The following GRIK4 variants were observed in gnomAD, a reference collection of about 807,000 sequenced individuals.
GRIK4 encodes the protein glutamate receptor ionotropic, kainate 4.
Under a neutral mutation model 104.9 loss-of-function variants are expected in GRIK4, and 40 were observed. The ratio of observed to expected loss-of-function variants is 0.38; its 90% CI spans 0.30 to 0.50. The LOEUF (loss-of-function observed/expected upper bound fraction) is 0.50, where lower values mean the gene tolerates loss of function less well. GRIK4 is among the 20% of genes least tolerant of loss of function. The pLI is 0.93. For synonymous variants in GRIK4, 485 were observed against 524.9 expected, an observed-to-expected ratio of 0.92 and a Z score of 1.04; for missense variants, 1,047 against 1,308.1, an observed-to-expected ratio of 0.80 and a Z score of 3.08.
chr11:120,612,770 C>T (rs1354526868), intron 1 of GRIK4, among the ~76,000 whole-genome samples: 1 of 152,152 alleles, frequency 6.6e-6, no homozygotes, highest in Non-Finnish European at 1.5e-5. Context: ...TGGGAACTGG[C>T]TTTGGGGCTT....
chr11:120,785,778 A>G (rs536260281), intron 3 of GRIK4, among the ~76,000 whole-genome samples: 3 of 152,260 alleles, frequency 2.0e-5, no homozygotes, highest in South Asian at 2.1e-4. Flanking sequence ...GCAGCGCCTG[A>G]GCAGCTTGAT....
intron 3 of GRIK4, among the ~76,000 whole-genome samples, chr11:120,753,153 G>C (rs1321550054): frequency 6.6e-6 from 1 of 152,250 alleles, no homozygotes; most frequent in Non-Finnish European, 1.5e-5. Context: ...AAGCTCTGGA[G>C]TTTTGCCCAA....
intron 3 of GRIK4, among the ~76,000 whole-genome samples, chr11:120,774,029 C>T (rs1951994726): frequency 6.6e-6 from 1 of 152,144 alleles, no homozygotes; most frequent in African/African-American, 2.4e-5. Flanking sequence ...GGAAAGCAAC[C>T]CCTGCAAATG....
In GRIK4 at chr11:120,601,398, T is replaced by A. The variant is rs144645148; in HGVS notation, c.-158-52287T>A. On this transcript the variant is annotated intron_variant, in intron 1 of 20. Coordinates refer to ENST00000527524, the MANE Select transcript of GRIK4 (RefSeq NM_014619.5). ...TCCAGCCTGGGCAACAGAGCGAGAC[T>A]CCATCTCAAACGAAAACAAAAACAA... Among the ~76,000 whole-genome samples, 987 of 152,180 alleles carry A rather than the reference T, an allele frequency of 6.5e-3. 9 individuals are homozygous for A. Among genetic ancestry groups the A allele is most frequent in the African/African-American group, 0.022 (912 of 41,538 alleles).
At chr11:120,759,228 C>A (rs1951703592) in intron 3 of GRIK4, among the ~76,000 whole-genome samples, 1 of 152,144 alleles carries the variant, frequency 6.6e-6, no homozygotes, top group Non-Finnish European at 1.5e-5. Context: ...TGGTCAGGGT[C>A]AGAGAGAAGC....
intron 1 of GRIK4, among the ~76,000 whole-genome samples, chr11:120,553,012 A>G (rs1009968823): frequency 1.4e-4 from 22 of 152,166 alleles, no homozygotes; most frequent in African/African-American, 5.1e-4. Context: ...AAAAAGAAAA[A>G]AAAAAAAAAA....
chr11:120,810,160 TATA>T (rs1952801493), intron 4 of GRIK4, among the ~76,000 whole-genome samples: 1 of 152,228 alleles, frequency 6.6e-6, no homozygotes. Flanking sequence ...AATGCATGCT[TATA>T]TTCAAATACT....
intron 1 of GRIK4, among the ~76,000 whole-genome samples, chr11:120,615,790 CAACTG>C (rs1183816338): frequency 6.6e-6 from 1 of 152,150 alleles, no homozygotes; most frequent in African/African-American, 2.4e-5. Flanking sequence ...TTTAATCTGA[CAACTG>C]AAGAGCTCTG....
At position 120,540,713 on chromosome 11, in the gene GRIK4, G is replaced by A. The variant is rs147386906; in HGVS notation, c.-159+28826G>A. On this transcript the variant is annotated intron_variant, in intron 1 of 20. Coordinates refer to ENST00000527524, the MANE Select transcript of GRIK4 (RefSeq NM_014619.5). ...GATCATTGGTAGAGTTGAGGGGTGG[G>A]AAGCTTCCTGAGTTATATGCAAAGA... 3.8e-3 allele frequency among the ~76,000 whole-genome samples: 582 copies of A among 152,274 alleles called. 1 individual carries two copies. Among genetic ancestry groups the A allele is most frequent in the Non-Finnish European group, 5.2e-3 (356 of 68,012 alleles).
At chr11:120,520,826 G>T (rs749399865) in intron 1 of GRIK4, among the ~76,000 whole-genome samples, 2 of 152,210 alleles carry the variant, frequency 1.3e-5, no homozygotes, top group Admixed American at 1.3e-4. Context: ...GCTCCTGACA[G>T]CATCTCCCCT....
chr11:120,966,940 AG>A (rs1944393983), intron 18 of GRIK4, among the ~76,000 whole-genome samples: 1 of 152,188 alleles, frequency 6.6e-6, no homozygotes, highest in South Asian at 2.1e-4. Context: ...TGGACCTGCC[AG>A]TCAGCATGGA....
intron 13 of GRIK4, among the ~76,000 whole-genome samples, chr11:120,921,118 C>T (rs369732307): frequency 6.6e-6 from 1 of 152,196 alleles, no homozygotes; most frequent in African/African-American, 2.4e-5. Context: ...CCCTGAAGGA[C>T]CCCCATCCTC....
chr11:120,851,589 G>A (rs371595801), intron 8 of GRIK4, among the ~76,000 whole-genome samples: 9 of 152,314 alleles, frequency 5.9e-5, no homozygotes, highest in African/African-American at 2.2e-4. Flanking sequence ...AACATGTTGT[G>A]TGTTCTCAAG....
At chr11:120,833,325 AT>A (rs756000129) in intron 7 of GRIK4, among the ~76,000 whole-genome samples, 1 of 150,958 alleles carries the variant, frequency 6.6e-6, no homozygotes, top group Non-Finnish European at 1.5e-5. Flanking sequence ...GAAACACAAT[AT>A]TTTTCTCTTT....
At chr11:120,882,225 A>T (rs567033962) in intron 11 of GRIK4, among the ~76,000 whole-genome samples, 30 of 152,262 alleles carry the variant, frequency 2.0e-4, no homozygotes, top group African/African-American at 5.5e-4. Flanking sequence ...ATTAAGGCTC[A>T]GACAGGTTGA....
At chr11:120,590,177 C>T (rs1377578679) in intron 1 of GRIK4, among the ~76,000 whole-genome samples, 1 of 152,170 alleles carries the variant, frequency 6.6e-6, no homozygotes, top group Admixed American at 6.5e-5. Context: ...TTACCCCTGA[C>T]CCTGCACCCT....
chr11:120,942,894 G>A (rs1047233945), intron 14 of GRIK4, among the ~76,000 whole-genome samples: 14 of 152,152 alleles, frequency 9.2e-5, no homozygotes, highest in African/African-American at 2.6e-4. Context: ...TCTTGATAAC[G>A]TGGGTGGGCC....
At chr11:120,842,246 T>C (rs1454420056) in intron 8 of GRIK4, among the ~76,000 whole-genome samples, 1 of 152,226 alleles carries the variant, frequency 6.6e-6, no homozygotes, top group African/African-American at 2.4e-5. Flanking sequence ...CATAAGGTTA[T>C]TCAAGGCCCC....
chr11:120,966,412 G>A (rs1944384656), intron 18 of GRIK4, among the ~76,000 whole-genome samples: 1 of 152,164 alleles, frequency 6.6e-6, no homozygotes, highest in South Asian at 2.1e-4. Flanking sequence ...ACATTCTGTT[G>A]CCGAGGCTGG....
Sources: allele counts gnomAD v4.1 joint callset (sites outside exome capture counted in the v4.1 genomes callset), GRCh38; gene constraint gnomAD v4.1.1; transcripts MANE v1.5; gene names NCBI Gene and HGNC (gene_info 2026-07-23, HGNC 2026-07-21).